Variants in SERPINA12 observed in about 807,000 individuals in gnomAD.
SERPINA12 encodes serpin A12.
A neutral mutation model predicts 25.9 loss-of-function variants in SERPINA12; 21 were observed. The observed-to-expected ratio is 0.81, with a 90% CI of 0.58 to 1.17. SERPINA12 has a LOEUF of 1.17. Ranked by LOEUF, SERPINA12 falls within the 50% of genes most tolerant of loss-of-function variation. The pLI, the probability that SERPINA12 is intolerant of heterozygous loss-of-function variation, is 0.00. For missense variants in SERPINA12, 562 were observed against 508.3 expected, an observed-to-expected ratio of 1.11 and a Z score of -1.02; for synonymous variants, 220 against 196.0, an observed-to-expected ratio of 1.12 and a Z score of -1.02.
chr14:94,510,817 A>G, upstream of SERPINA12, among the ~76,000 whole-genome samples: 1 of 152,216 alleles, frequency 6.6e-6, no homozygotes, highest in East Asian at 1.9e-4. Context: ...GGTGGAGGCC[A>G]TTATTCTAAC....
chr14:94,489,693 C>T lies in SERPINA12; in HGVS notation c.980G>A (p.Gly327Asp), dbSNP rs142210723. 3,470 of 1,614,154 alleles carry T rather than the reference C, an allele frequency of 2.1e-3. 22 individuals are homozygous for T. The highest frequency in any genetic ancestry group is 1.8e-3 in the Non-Finnish European group (2,173 of 1,180,016). ...ATGTTCCTCAAAGATTTTGGAGACA[C>T]CTATGTAGGAGAGAGTCTTCTTCAG... ...FDLKKTLSYIGVSKIFEEHGD... is the reference protein window; with the variant it reads ...FDLKKTLSYIDVSKIFEEHGD... The change falls in exon 4 of 5, where the codon GGT (glycine) becomes GAT (aspartate). Residue 327 changes from glycine to aspartate, a missense_variant. Gly to Asp is a moderately conservative substitution (Grantham distance 94, BLOSUM62 -1). Coordinates refer to ENST00000677451, the MANE Select transcript of SERPINA12 (RefSeq NM_001382267.1).
chr14:94,496,654 A>AT lies in SERPINA12; in HGVS notation c.635-12_635-11insA, dbSNP rs566958419. 952 of 1,612,470 alleles carry AT rather than the reference A, an allele frequency of 5.9e-4. 4 individuals carry two copies. In the East Asian group the frequency reaches 0.017, roughly 29 times the overall value. On this transcript the variant is annotated splice_polypyrimidine_tract_variant and intron_variant, in intron 2 of 4. Transcript: ENST00000677451. The stretch of plus-strand genomic sequence containing the variant: ...CATGTTTCCACCTGGCTTAGATTGA[A>AT]GAAAGACAAACAGACATGTTATCCC...
intron 1 of SERPINA12, among the ~76,000 whole-genome samples, chr14:94,505,692 T>C (rs1900905638): frequency 6.6e-6 from 1 of 152,206 alleles, no homozygotes; most frequent in African/African-American, 2.4e-5. Flanking sequence ...GAGGCCTGTG[T>C]GAGTCTGAGG....
At chr14:94,509,861 A>G (rs1197310798), upstream of SERPINA12, 13 of 493,938 alleles carry the variant, frequency 2.6e-5, no homozygotes, top group Non-Finnish European at 3.2e-5. Context: ...CCCTGTGATC[A>G]TCTTTGAGCA....
chr14:94,516,738 A>G (rs757738301), intron 1 of SERPINA12, among the ~76,000 whole-genome samples: 7 of 152,146 alleles, frequency 4.6e-5, no homozygotes, highest in Non-Finnish European at 8.8e-5. Context: ...CCCAAGACCT[A>G]TTGCCTTTGC....
At position 94,496,755 on chromosome 14, in the gene SERPINA12, C is replaced by A. The variant is rs758815751; in HGVS notation, c.635-112G>T. The A allele has an allele frequency of 3.7e-5, 33 of 898,326 alleles. No individual in the cohort carries two copies. In the African/African-American group the frequency reaches 4.7e-4, roughly 13 times the overall value. 55.6% of individuals were successfully genotyped at this position (898,326 alleles called of 1,614,324 possible). ...AGATTCAGGGTGAAAGGGGATATTC[C>A]GGGATATCAGGGAAGTCCTTGCCCT... On this transcript the variant is annotated intron_variant, in intron 2 of 4. Transcript: ENST00000677451.
At chr14:94,500,876 T>C in intron 1 of SERPINA12, 1 of 985,322 alleles carries the variant, frequency 1.0e-6, no homozygotes, top group Non-Finnish European at 1.2e-6. Flanking sequence ...TACGGGCAGA[T>C]ACATATTTTT....
At position 94,500,370 on chromosome 14, in the gene SERPINA12, T is replaced by C. The variant is rs1426951739; in HGVS notation, c.-33-1940A>G. Reference sequence around the variant, plus strand: ...TTCTCTTTCTTTTTCTTCTTTTCAATAATATACTCTTCTCTCAGGCAGCCC... The same window carrying C: ...TTCTCTTTCTTTTTCTTCTTTTCAACAATATACTCTTCTCTCAGGCAGCCC... On this transcript the variant is annotated intron_variant, in intron 1 of 4. Coordinates refer to ENST00000677451, the MANE Select transcript of SERPINA12 (RefSeq NM_001382267.1). 2.6e-5 allele frequency among the ~76,000 whole-genome samples: 4 copies of C among 152,094 alleles called. No homozygotes were observed. In the East Asian group the frequency reaches 7.7e-4, roughly 29 times the overall value.
At chr14:94,490,253 G>A (rs1383462630) in intron 3 of SERPINA12, among the ~76,000 whole-genome samples, 2 of 152,148 alleles carry the variant, frequency 1.3e-5, no homozygotes. Flanking sequence ...AATGATCACC[G>A]TCGCTCCTGC....
At chr14:94,492,913 T>C (rs1348596161) in intron 3 of SERPINA12, among the ~76,000 whole-genome samples, 1 of 152,160 alleles carries the variant, frequency 6.6e-6, no homozygotes, top group Non-Finnish European at 1.5e-5. Flanking sequence ...CCTCAAATTA[T>C]GCAAATCCAA....
chr14:94,505,872 C>T (rs950472977), intron 1 of SERPINA12, among the ~76,000 whole-genome samples: 1 of 152,170 alleles, frequency 6.6e-6, no homozygotes, highest in African/African-American at 2.4e-5. Context: ...AGAGGGTAGC[C>T]ACAGGTGGGC....
chr14:94,498,207 G>A lies in SERPINA12; in HGVS notation c.191C>T (p.Ala64Val). ...DLGFKLLKKL[A>V]FYNPGRNIFL... ...GATGTTCCTGCCAGGGTTGTAAAAG[G>A]CCAGCTTCTTGAGCAGCTTAAAGCC... The change falls in exon 2 of 5, where the codon GCC (alanine) becomes GTC (valine). Residue 64 changes from alanine (A) to valine (V), a missense_variant. Transcript: ENST00000677451. 1.2e-6 allele frequency: 2 copies of A among 1,614,160 alleles called. No homozygotes were observed. Among genetic ancestry groups the A allele is most frequent in the Non-Finnish European group, 1.7e-6 (2 of 1,180,020 alleles).
At chr14:94,504,406 G>T (rs1361897774) in intron 1 of SERPINA12, among the ~76,000 whole-genome samples, 1 of 152,188 alleles carries the variant, frequency 6.6e-6, no homozygotes, top group Non-Finnish European at 1.5e-5. Flanking sequence ...TTTCCCAGTT[G>T]CTCTCTGGGT....
intron 3 of SERPINA12, among the ~76,000 whole-genome samples, chr14:94,490,870 G>C (rs539976250): frequency 6.6e-6 from 1 of 152,096 alleles, no homozygotes; most frequent in Non-Finnish European, 1.5e-5. Flanking sequence ...ACCCCTTGAG[G>C]CTTCTCCTCC....
At chr14:94,515,658 A>G (rs1211832310) in intron 2 of SERPINA12, among the ~76,000 whole-genome samples, 1 of 152,148 alleles carries the variant, frequency 6.6e-6, no homozygotes, top group Non-Finnish European at 1.5e-5. Flanking sequence ...CCAGCAGTGC[A>G]GATGCAGGCA....
chr14:94,504,171 C>T (rs895596534), intron 1 of SERPINA12: 4 of 152,228 alleles, frequency 2.6e-5, no homozygotes, highest in African/African-American at 2.4e-5. Flanking sequence ...AATGCATCTG[C>T]CTTTCTTGCT....
chr14:94,489,325 G>A (rs1047150936), intron 4 of SERPINA12, among the ~76,000 whole-genome samples: 23 of 152,214 alleles, frequency 1.5e-4, no homozygotes, highest in African/African-American at 5.3e-4. Flanking sequence ...GAGGGTCTGG[G>A]TTAGACCTAG....
intron 3 of SERPINA12, among the ~76,000 whole-genome samples, chr14:94,495,043 T>C (rs995513780): frequency 1.3e-5 from 2 of 151,312 alleles, no homozygotes. Context: ...TTGGAAGCAT[T>C]CGGAATCAGA....
At chr14:94,501,850 C>G (rs1355944647) in intron 1 of SERPINA12, among the ~76,000 whole-genome samples, 1 of 152,122 alleles carries the variant, frequency 6.6e-6, no homozygotes, top group Non-Finnish European at 1.5e-5. Context: ...CCGGGCCTTT[C>G]CATCTGTCAT....
Sources: allele counts gnomAD v4.1 joint callset (sites outside exome capture counted in the v4.1 genomes callset), GRCh38; gene constraint gnomAD v4.1.1; transcripts MANE v1.5; gene names NCBI Gene and HGNC (gene_info 2026-07-23, HGNC 2026-07-21).